The following CLVS1 variants were observed in gnomAD, a reference collection of about 807,000 sequenced individuals.
CLVS1 encodes clavesin-1.
Under a neutral mutation model 33.1 loss-of-function variants are expected in CLVS1, and 10 were observed. That is an observed-to-expected ratio of 0.30 (90% confidence interval 0.19 to 0.51). CLVS1 has a LOEUF of 0.51. CLVS1 is among the 20% of genes least tolerant of loss of function. The probability of loss-of-function intolerance (pLI) is 0.97; values close to 1 mark genes in which losing one functional copy is unlikely to be tolerated. For missense variants in CLVS1, 343 were observed against 433.4 expected (o/e 0.79, Z 1.85); for synonymous variants, 163 against 166.1 (o/e 0.98, Z 0.14).
intron 1 of CLVS1, among the ~76,000 whole-genome samples, chr8:61,060,284 C>T (rs1804560833): frequency 6.6e-6 from 1 of 152,030 alleles, no homozygotes; most frequent in Admixed American, 6.6e-5. Flanking sequence ...ATAAAATAAA[C>T]ATTTCTTGAG....
At chr8:61,318,904 C>A (rs747060659) in intron 2 of CLVS1, among the ~76,000 whole-genome samples, 7 of 152,038 alleles carry the variant, frequency 4.6e-5, no homozygotes, top group Non-Finnish European at 1.0e-4. Context: ...AGTACCTGTA[C>A]CTGACCTAAG....
chr8:61,038,660 T>G, the CLVS1 span, among the ~76,000 whole-genome samples: 1 of 152,138 alleles, frequency 6.6e-6, no homozygotes, highest in Non-Finnish European at 1.5e-5. Flanking sequence ...AAAAATGACA[T>G]CAGTTTTGGA....
chr8:61,346,457 C>G (rs577610704), intron 2 of CLVS1, among the ~76,000 whole-genome samples: 5 of 152,032 alleles, frequency 3.3e-5, no homozygotes, highest in African/African-American at 1.2e-4. Context: ...TTCTGGGGAC[C>G]CTTAAAGCCT....
chr8:61,393,573 A>G (rs1025945041), intron 3 of CLVS1, among the ~76,000 whole-genome samples: 3 of 152,134 alleles, frequency 2.0e-5, no homozygotes, highest in Non-Finnish European at 4.4e-5. Flanking sequence ...GCTGCTGTCC[A>G]TATTCTTTTT....
chr8:61,102,480 T>C (rs535831884), intron 1 of CLVS1, among the ~76,000 whole-genome samples: 2 of 152,374 alleles, frequency 1.3e-5, no homozygotes, highest in South Asian at 4.1e-4. Context: ...ACTAATTAGT[T>C]CTAATAGTTC....
intron 2 of CLVS1, among the ~76,000 whole-genome samples, chr8:61,193,131 C>T (rs1807529023): frequency 6.6e-6 from 1 of 152,108 alleles, no homozygotes; most frequent in Admixed American, 6.6e-5. Context: ...AAATGTCCAT[C>T]AATGATAGAC....
At chr8:61,486,080 A>G (rs1044869710) in intron 5 of CLVS1, among the ~76,000 whole-genome samples, 5 of 147,266 alleles carry the variant, frequency 3.4e-5, no homozygotes, top group African/African-American at 1.2e-4. Context: ...CATGTACCCT[A>G]CAACTTAAAG....
chr8:61,041,818 G>C, the CLVS1 span, among the ~76,000 whole-genome samples: 1 of 152,126 alleles, frequency 6.6e-6, no homozygotes, highest in African/African-American at 2.4e-5. Flanking sequence ...AGTGAAGAGA[G>C]ATGATTTGAC....
chr8:61,399,172 T>A (rs1814651259), intron 3 of CLVS1, among the ~76,000 whole-genome samples: 1 of 152,248 alleles, frequency 6.6e-6, no homozygotes, highest in Admixed American at 6.5e-5. Context: ...CCACTAACAG[T>A]GTAAAAGTGT....
intron 2 of CLVS1, among the ~76,000 whole-genome samples, chr8:61,267,184 C>CTG (rs1809325704): frequency 6.6e-6 from 1 of 152,220 alleles, no homozygotes; most frequent in Non-Finnish European, 1.5e-5. Context: ...TCCTTCACAG[C>CTG]ATACCACCAG....
intron 2 of CLVS1, among the ~76,000 whole-genome samples, chr8:61,198,960 C>T (rs62525829): frequency 6.6e-6 from 1 of 152,164 alleles, no homozygotes; most frequent in Non-Finnish European, 1.5e-5. Flanking sequence ...TCTTTATCCA[C>T]TTATTGGTTG....
At chr8:61,180,361 T>TA (rs1807204662) in intron 2 of CLVS1, among the ~76,000 whole-genome samples, 1 of 151,832 alleles carries the variant, frequency 6.6e-6, no homozygotes, top group South Asian at 2.1e-4. Context: ...GCCTACCCAC[T>TA]AAAAAAGCCC....
chr8:61,464,214 C>A (rs1817469890), intron 5 of CLVS1, among the ~76,000 whole-genome samples: 1 of 152,110 alleles, frequency 6.6e-6, no homozygotes, highest in South Asian at 2.1e-4. Context: ...TTACCACAAG[C>A]CTTCAAGGTG....
chr8:61,399,127 A>C (rs1814649797), intron 3 of CLVS1, among the ~76,000 whole-genome samples: 1 of 152,222 alleles, frequency 6.6e-6, no homozygotes, highest in Non-Finnish European at 1.5e-5. Context: ...GAATCTCTAA[A>C]GTCTCTTCCA....
intron 1 of CLVS1, among the ~76,000 whole-genome samples, chr8:61,125,679 A>G (rs971869979): frequency 1.4e-4 from 22 of 152,214 alleles, no homozygotes; most frequent in Admixed American, 1.4e-3. Flanking sequence ...GGATTTTCTA[A>G]TCTGAAGAAC....
At chr8:61,227,974 C>T (rs1417420912) in intron 2 of CLVS1, among the ~76,000 whole-genome samples, 58 of 152,062 alleles carry the variant, frequency 3.8e-4, no homozygotes, top group Non-Finnish European at 5.9e-5. Context: ...AAATAAAGTA[C>T]GTAGAATACA....
intron 2 of CLVS1, among the ~76,000 whole-genome samples, chr8:61,227,102 A>G (rs1704598035): frequency 6.6e-6 from 1 of 151,952 alleles, no homozygotes; most frequent in Non-Finnish European, 1.5e-5. Flanking sequence ...GGCACACTAC[A>G]AGACAAAGCT....
chr8:61,023,295 C>CT, the CLVS1 span, among the ~76,000 whole-genome samples: 1 of 152,140 alleles, frequency 6.6e-6, no homozygotes, highest in Non-Finnish European at 1.5e-5. Context: ...TCTCTGTGCC[C>CT]TCAATAGATT....
At chr8:60,990,560 G>A in the CLVS1 span, among the ~76,000 whole-genome samples, 4 of 152,162 alleles carry the variant, frequency 2.6e-5, no homozygotes, top group East Asian at 1.9e-4. Context: ...AGTCTATTAT[G>A]TCTACTCTGG....
Sources: allele counts gnomAD v4.1 joint callset (sites outside exome capture counted in the v4.1 genomes callset), GRCh38; gene constraint gnomAD v4.1.1; transcripts MANE v1.5; gene names NCBI Gene and HGNC (gene_info 2026-07-23, HGNC 2026-07-21).